GRID2: variants seen among roughly 807,000 people sequenced by gnomAD.
GRID2 encodes glutamate ionotropic receptor delta type subunit 2.
Under a neutral mutation model 114.8 loss-of-function variants are expected in GRID2, and 33 were observed. The observed-to-expected ratio is 0.29, with a 90% CI of 0.22 to 0.38. The LOEUF (loss-of-function observed/expected upper bound fraction) is 0.38. Among genes scored for constraint, GRID2 ranks in the 10% least tolerant of loss-of-function variants. The probability of loss-of-function intolerance (pLI) is 1.00; values close to 1 mark genes in which losing one functional copy is unlikely to be tolerated. For missense variants in GRID2, 1,184 were observed against 1,257.7 expected, an observed-to-expected ratio of 0.94 and a Z score of 0.89; for synonymous variants, 505 against 449.9, an observed-to-expected ratio of 1.12 and a Z score of -1.55.
At chr4:93,428,195 A>G (rs971600210) in intron 10 of GRID2, among the ~76,000 whole-genome samples, 1 of 152,098 alleles carries the variant, frequency 6.6e-6, no homozygotes, top group Non-Finnish European at 1.5e-5. Context: ...CAGCACAGAA[A>G]AATTTCAAGG....
At chr4:92,372,207 T>G (rs1729147888) in intron 1 of GRID2, among the ~76,000 whole-genome samples, 1 of 152,278 alleles carries the variant, frequency 6.6e-6, no homozygotes, top group South Asian at 2.1e-4. Flanking sequence ...TTTAGAGTAT[T>G]TAATTAACCT....
chr4:92,783,044 A>T (rs13115346), intron 2 of GRID2, among the ~76,000 whole-genome samples: 1 of 152,092 alleles, frequency 6.6e-6, no homozygotes, highest in Non-Finnish European at 1.5e-5. Context: ...TGTTGGTAAA[A>T]TGTCCAATTG....
At chr4:93,646,281 T>A (rs1160493533) in intron 14 of GRID2, among the ~76,000 whole-genome samples, 1 of 147,924 alleles carries the variant, frequency 6.8e-6, no homozygotes, top group East Asian at 2.0e-4. Context: ...CACAGAAGAC[T>A]ATCCAAAGGA....
At chr4:93,041,403 T>C (rs1052226745) in intron 2 of GRID2, among the ~76,000 whole-genome samples, 1 of 152,206 alleles carries the variant, frequency 6.6e-6, no homozygotes, top group Non-Finnish European at 1.5e-5. Context: ...TTTAAACTTG[T>C]TAATACCATT....
chr4:93,637,420 C>A (rs985272295), intron 14 of GRID2, among the ~76,000 whole-genome samples: 1 of 152,096 alleles, frequency 6.6e-6, no homozygotes, highest in African/African-American at 2.4e-5. Flanking sequence ...CCCATGCTGT[C>A]AAAGACAATA....
chr4:93,270,510 C>T (rs1579495327), intron 8 of GRID2, among the ~76,000 whole-genome samples: 1 of 152,106 alleles, frequency 6.6e-6, no homozygotes, highest in African/African-American at 2.4e-5. Flanking sequence ...TGTTACGAGT[C>T]TTACTGTTAC....
At chr4:92,738,849 TATTA>T (rs780934513) in intron 2 of GRID2, among the ~76,000 whole-genome samples, 6 of 152,078 alleles carry the variant, frequency 3.9e-5, no homozygotes, top group African/African-American at 1.4e-4. Context: ...ATATCCCTAT[TATTA>T]ATTGTTAACA....
At chr4:92,337,049 A>G (rs920907645) in intron 1 of GRID2, among the ~76,000 whole-genome samples, 2 of 141,258 alleles carry the variant, frequency 1.4e-5, no homozygotes, top group African/African-American at 5.2e-5. Context: ...GAAACTTTAT[A>G]TAATATGTCT....
chr4:93,085,130 C>A lies in GRID2; in HGVS notation c.380C>A (p.Pro127Gln). The change falls in exon 3 of 16, where the codon CCA (proline) becomes CAA (glutamine). Residue 127 changes from proline to glutamine, a missense_variant. Transcript: ENST00000282020. ...LFIQRSTAGT[P>Q]RSGCGLTRSN... Reference sequence around the variant, plus strand: ...ATTCAGCGCTCAACAGCTGGGACCCCAAGGAGTGGCTGTGGACTCACCCGG... The same window carrying A: ...ATTCAGCGCTCAACAGCTGGGACCCAAAGGAGTGGCTGTGGACTCACCCGG... 3.7e-6 allele frequency: 6 copies of A among 1,614,134 alleles called. No homozygotes were observed. Among genetic ancestry groups the A allele is most frequent in the Non-Finnish European group, 4.2e-6 (5 of 1,180,020 alleles).
At chr4:93,053,873 A>G (rs1304124846) in intron 2 of GRID2, among the ~76,000 whole-genome samples, 1 of 151,940 alleles carries the variant, frequency 6.6e-6, no homozygotes, top group Non-Finnish European at 1.5e-5. Context: ...AATTAACAAT[A>G]TGTTATATTC....
chr4:93,166,414 CCTT>C (rs766373316), intron 4 of GRID2, among the ~76,000 whole-genome samples: 1 of 152,120 alleles, frequency 6.6e-6, no homozygotes, highest in Non-Finnish European at 1.5e-5. Flanking sequence ...GGTCTATTCT[CCTT>C]GTCAGCTGGA....
intron 2 of GRID2, among the ~76,000 whole-genome samples, chr4:92,621,233 T>C (rs1436563713): frequency 2.6e-5 from 4 of 151,716 alleles, no homozygotes; most frequent in Non-Finnish European, 4.4e-5. Flanking sequence ...TGTCTGAATA[T>C]AGGTCTCAGG....
chr4:92,351,213 TA>T (rs1411960194), intron 1 of GRID2, among the ~76,000 whole-genome samples: 1 of 151,876 alleles, frequency 6.6e-6, no homozygotes. Context: ...TTCTGGTTCA[TA>T]TGGTAACTCT....
intron 2 of GRID2, among the ~76,000 whole-genome samples, chr4:93,006,389 A>G (rs538374746): frequency 6.6e-6 from 1 of 152,154 alleles, no homozygotes; most frequent in East Asian, 1.9e-4. Context: ...AGTGATACTG[A>G]GAATAGGTCT....
intron 13 of GRID2, among the ~76,000 whole-genome samples, chr4:93,539,998 A>G (rs1732496114): frequency 6.6e-6 from 1 of 151,978 alleles, no homozygotes; most frequent in South Asian, 2.1e-4. Flanking sequence ...CTTTACTTCA[A>G]TTATCTATTT....
chr4:93,188,940 C>T (rs1402130794), intron 4 of GRID2, among the ~76,000 whole-genome samples: 2 of 152,160 alleles, frequency 1.3e-5, no homozygotes, highest in Non-Finnish European at 2.9e-5. Context: ...TTATCATACA[C>T]ATTTCAATCA....
At chr4:92,734,044 C>T (rs975591724) in intron 2 of GRID2, among the ~76,000 whole-genome samples, 1 of 151,960 alleles carries the variant, frequency 6.6e-6, no homozygotes, top group Admixed American at 6.6e-5. Context: ...TATTTCTGAG[C>T]CAGTCTTGTT....
intron 2 of GRID2, among the ~76,000 whole-genome samples, chr4:92,962,384 C>CA (rs1752878137): frequency 6.6e-6 from 1 of 151,788 alleles, no homozygotes; most frequent in African/African-American, 2.4e-5. Context: ...CTCTGGACTG[C>CA]AACCTTCACA....
At chr4:93,775,199 C>A (rs1349129305), downstream of GRID2, among the ~76,000 whole-genome samples, 1 of 149,682 alleles carries the variant, frequency 6.7e-6, no homozygotes, top group African/African-American at 2.5e-5. Context: ...CAAAATAATT[C>A]TTTGAATATT....
Sources: gnomAD v4.1 joint callset for allele counts (sites outside exome capture counted in the v4.1 genomes callset) on GRCh38, gnomAD v4.1.1 for gene constraint, MANE v1.5 for transcripts, NCBI Gene and HGNC (gene_info 2026-07-23, HGNC 2026-07-21) for gene names.